RNF121: variants seen among roughly 807,000 people sequenced by gnomAD.
RNF121 encodes the protein E3 ubiquitin ligase RNF121.
Under a neutral mutation model 46.5 loss-of-function variants are expected in RNF121, and 21 were observed. The observed-to-expected ratio is 0.45, with a 90% CI of 0.32 to 0.65. The LOEUF is 0.65. RNF121 is among the 30% of genes least tolerant of loss of function. The pLI is 0.04. For missense variants in RNF121, 346 were observed against 416.0 expected, an observed-to-expected ratio of 0.83 and a Z score of 1.46; for synonymous variants, 139 against 144.7, an observed-to-expected ratio of 0.96 and a Z score of 0.28.
chr11:71,969,581 G>A (rs1298334637), intron 3 of RNF121, among the ~76,000 whole-genome samples: 3 of 151,920 alleles, frequency 2.0e-5, no homozygotes, highest in African/African-American at 7.3e-5. Context: ...ACTTTATTTT[G>A]AGACAGGGTC....
At chr11:71,981,871 G>A (rs948219173) in intron 3 of RNF121, among the ~76,000 whole-genome samples, 4 of 152,146 alleles carry the variant, frequency 2.6e-5, no homozygotes, top group Admixed American at 2.0e-4. Context: ...CTTACATACA[G>A]GTAGAGAATG....
At chr11:71,947,601 T>G (rs1234329819) in intron 1 of RNF121, among the ~76,000 whole-genome samples, 1 of 152,188 alleles carries the variant, frequency 6.6e-6, no homozygotes, top group Non-Finnish European at 1.5e-5. Context: ...TAGTTCAATG[T>G]GGCTGGAATG....
chr11:71,990,832 C>T, intron 6 of RNF121, 115 bp downstream of exon 6: 1 of 1,295,282 alleles, frequency 7.7e-7, no homozygotes, highest in Non-Finnish European at 1.1e-6. Context: ...CACATAAAAT[C>T]CTTCAAGATG....
intron 1 of RNF121, among the ~76,000 whole-genome samples, chr11:71,938,314 A>ATTTTTTTTTTTTTTTTTTTTTTTTT (rs71958930): frequency 2.1e-5 from 2 of 94,926 alleles, no homozygotes; most frequent in Non-Finnish European, 2.0e-5. Context: ...TAGTCTCTTA[A>ATTTTTTTTTTTTTTTTTTTTTTTTT]TTTTTTTTTT....
At chr11:71,959,815 T>C (rs1954086266) in intron 2 of RNF121, among the ~76,000 whole-genome samples, 1 of 152,130 alleles carries the variant, frequency 6.6e-6, no homozygotes, top group African/African-American at 2.4e-5. Context: ...TTTGTATTTT[T>C]AGTAGAGACG....
At chr11:71,975,445 A>G (rs1303490871) in intron 3 of RNF121, among the ~76,000 whole-genome samples, 1 of 152,140 alleles carries the variant, frequency 6.6e-6, no homozygotes, top group African/African-American at 2.4e-5. Flanking sequence ...ATCTGGACCT[A>G]TTGGCCATCA....
chr11:71,951,891 C>T (rs1953890050), intron 1 of RNF121, among the ~76,000 whole-genome samples: 1 of 152,128 alleles, frequency 6.6e-6, no homozygotes, highest in South Asian at 2.1e-4. Context: ...AATGGTACAG[C>T]TGCCGTGGAA....
Position 71,982,768 on chromosome 11 carries a change from C to A in RNF121, c.251C>A (p.Thr84Asn), listed in dbSNP as rs758154577. ...CTTGTGTTTGTGTTTCAGATGGTGA[C>A]CCTCTTTCAGATGTGGGTTGTTCCC... ...QRHPRSYNMVTLFQMWVVPLY... is the reference protein window; with the variant it reads ...QRHPRSYNMVNLFQMWVVPLY... Residue 84 changes from threonine (T) to asparagine (N), a missense_variant, in exon 4 of 9, where the codon ACC (threonine) becomes AAC (asparagine). Thr to Asn is a moderately conservative substitution (Grantham distance 65). Around this residue, in one of 2 missense-constraint regions of RNF121, gnomAD observed 286 missense variants for 383.8 expected, o/e 0.75. Transcript: ENST00000361756. 6.2e-7 allele frequency: 1 copy of A among 1,609,594 alleles called. No individual in the cohort carries two copies. Among genetic ancestry groups the A allele is most frequent in the Non-Finnish European group, 8.5e-7 (1 of 1,177,884 alleles).
At chr11:71,969,218 G>T (rs1954365983) in intron 3 of RNF121, among the ~76,000 whole-genome samples, 1 of 152,018 alleles carries the variant, frequency 6.6e-6, no homozygotes, top group African/African-American at 2.4e-5. Context: ...AACACTATTT[G>T]TAGTAGCAAA....
At chr11:71,949,671 A>C (rs1953815508) in intron 1 of RNF121, among the ~76,000 whole-genome samples, 1 of 151,958 alleles carries the variant, frequency 6.6e-6, no homozygotes, top group Non-Finnish European at 1.5e-5. Context: ...CTGCACTCCA[A>C]CCTAGGTGAC....
chr11:71,990,956 A>T (rs1035392933), intron 6 of RNF121, among the ~76,000 whole-genome samples: 1 of 152,240 alleles, frequency 6.6e-6, no homozygotes, highest in Non-Finnish European at 1.5e-5. Flanking sequence ...ATCATAAGCC[A>T]GTTAATGCAG....
chr11:71,994,671 T>A, intron 6 of RNF121, 48 bp from the exon 7 acceptor site: 1 of 1,610,824 alleles, frequency 6.2e-7, no homozygotes, highest in Non-Finnish European at 8.5e-7. Flanking sequence ...CTACTTTGGC[T>A]GCTTCTCACA....
chr11:71,959,343 A>G (rs139576826), intron 2 of RNF121, among the ~76,000 whole-genome samples: 19 of 151,254 alleles, frequency 1.3e-4, no homozygotes, highest in African/African-American at 3.6e-4. Flanking sequence ...ACACCTTTAT[A>G]CTTACCACCT....
intron 5 of RNF121, among the ~76,000 whole-genome samples, chr11:71,990,365 G>A (rs1392397868): frequency 6.6e-6 from 1 of 152,222 alleles, no homozygotes; most frequent in Non-Finnish European, 1.5e-5. Flanking sequence ...AGGGGTAGGA[G>A]GGGATACTGT....
chr11:71,967,908 G>T (rs1311250311), intron 3 of RNF121, among the ~76,000 whole-genome samples: 1 of 152,048 alleles, frequency 6.6e-6, no homozygotes, highest in East Asian at 1.9e-4. Context: ...CTTTGCTCAG[G>T]TTTCTTTTGG....
Position 71,994,819 on chromosome 11 carries a change from T to C in RNF121, c.728T>C (p.Ile243Thr), listed in dbSNP as rs1462225074. ...GTGGACGTCAGTGAAGAGGGGATCA[T>C]TGAGAACACGTATAGGCTGTCCTGC... Reference protein sequence around the residue: ...IFVDVSEEGIIENTYRLSCNH... With the variant: ...IFVDVSEEGITENTYRLSCNH... The change falls in exon 7 of 9, where the codon ATT (isoleucine) becomes ACT (threonine). Residue 243 changes from isoleucine to threonine, a missense_variant. Around this residue, in one of 2 missense-constraint regions of RNF121, gnomAD observed 286 missense variants for 383.8 expected, o/e 0.75. Transcript: ENST00000361756. 1.2e-6 allele frequency: 2 copies of C among 1,614,198 alleles called. No individual in the cohort carries two copies. The highest frequency in any genetic ancestry group is 1.7e-6 in the Non-Finnish European group (2 of 1,180,028).
chr11:71,975,767 A>G (rs1954514556), intron 3 of RNF121, among the ~76,000 whole-genome samples: 1 of 152,234 alleles, frequency 6.6e-6, no homozygotes, highest in African/African-American at 2.4e-5. Flanking sequence ...AGTTCTAGGT[A>G]TTAGAAGAGT....
chr11:71,979,321 G>A (rs140557805), intron 3 of RNF121, among the ~76,000 whole-genome samples: 8 of 152,204 alleles, frequency 5.3e-5, no homozygotes, highest in Admixed American at 1.3e-4. Context: ...CTAGAACTCC[G>A]GTTTACTGGG....
chr11:71,969,282 A>G, intron 3 of RNF121, among the ~76,000 whole-genome samples: 1 of 152,222 alleles, frequency 6.6e-6, no homozygotes, highest in East Asian at 1.9e-4. Context: ...TAGTTGTGAT[A>G]TATTCACATA....
Sources: allele counts gnomAD v4.1 joint callset (sites outside exome capture counted in the v4.1 genomes callset), GRCh38; gene constraint gnomAD v4.1.1; regional missense constraint gnomAD v4.1.1; transcripts MANE v1.5; gene names NCBI Gene and HGNC (gene_info 2026-07-23, HGNC 2026-07-21).